The following ACAP2 variants were observed in gnomAD, a reference collection of about 807,000 sequenced individuals.
ACAP2 encodes the protein arf-GAP with coiled-coil, ANK repeat and PH domain-containing protein 2.
Under a neutral mutation model 115.8 loss-of-function variants are expected in ACAP2, and 39 were observed. The observed-to-expected ratio is 0.34, with a 90% CI of 0.26 to 0.44. ACAP2 has a LOEUF of 0.44. Among genes scored for constraint, ACAP2 ranks in the 20% least tolerant of loss-of-function variants. ACAP2 has a pLI of 1.00. For synonymous variants in ACAP2, 289 were observed against 315.8 expected (o/e 0.92, Z 0.90); for missense variants, 662 against 927.6 (o/e 0.71, Z 3.72).
intron 17 of ACAP2, chr3:195,295,244 G>A (rs988128543): frequency 7.7e-7 from 1 of 1,291,216 alleles, no homozygotes; most frequent in Non-Finnish European, 1.0e-6. Context: ...AGTGAATCTA[G>A]CTCATCAGGA....
chr3:195,306,671 C>T (rs2108983431), intron 12 of ACAP2, 55 bp from the exon 13 acceptor site: 1 of 1,220,366 alleles, frequency 8.2e-7, no homozygotes, highest in East Asian at 2.4e-5. Context: ...CCAAAAACAC[C>T]CTATAAGCTT....
chr3:195,441,518 G>A (rs1014444821), intron 1 of ACAP2, among the ~76,000 whole-genome samples: 2 of 152,164 alleles, frequency 1.3e-5, no homozygotes, highest in African/African-American at 4.8e-5. Context: ...TTTTCTCTAA[G>A]TAGCAGTTCC....
chr3:195,389,628 A>C (rs1734522745), intron 2 of ACAP2, among the ~76,000 whole-genome samples: 1 of 152,198 alleles, frequency 6.6e-6, no homozygotes, highest in Non-Finnish European at 1.5e-5. Context: ...GAGAATTTAA[A>C]ATTTTGTTTT....
rs371958084 is a variant in ACAP2, at chr3:195,320,778, G to A, written c.780C>T (p.Asn260=). 52 of 1,613,128 alleles carry A rather than the reference G, an allele frequency of 3.2e-5. No individual in the cohort carries two copies. Among genetic ancestry groups the A allele is most frequent in the South Asian group, 2.1e-4 (19 of 91,046 alleles). Residue 260 remains asparagine (N), a synonymous_variant, in exon 10 of 23, where the codon AAC becomes AAT. Transcript: ENST00000326793. ...FSSDDSKLEY[N]VDAANGIVME... ...TAACTATGCCATTTGCAGCATCTACGTTATATTCTAACTTAGAATCATCAC... is the reference window on the plus strand; with the variant it reads ...TAACTATGCCATTTGCAGCATCTACATTATATTCTAACTTAGAATCATCAC...
chr3:195,322,314 T>G (rs963402747), intron 9 of ACAP2, among the ~76,000 whole-genome samples: 2 of 152,260 alleles, frequency 1.3e-5, no homozygotes, highest in Non-Finnish European at 2.9e-5. Flanking sequence ...TAAGGAGCAG[T>G]AAACGTCCTG....
intron 1 of ACAP2, among the ~76,000 whole-genome samples, chr3:195,399,543 TTC>T (rs1304945425): frequency 6.6e-6 from 1 of 152,162 alleles, no homozygotes; most frequent in African/African-American, 2.4e-5. Context: ...CCCATTATAT[TTC>T]TGTTTTACAG....
intron 4 of ACAP2, among the ~76,000 whole-genome samples, chr3:195,368,781 AT>A (rs1268360362): frequency 1.3e-5 from 2 of 152,208 alleles, no homozygotes; most frequent in Admixed American, 1.3e-4. Flanking sequence ...AACCATAAAA[AT>A]CATTTCTAAA....
At chr3:195,386,839 T>G (rs1385591176) in intron 2 of ACAP2, among the ~76,000 whole-genome samples, 7 of 147,540 alleles carry the variant, frequency 4.7e-5, no homozygotes, top group African/African-American at 1.7e-4. Flanking sequence ...CACAAGCGGA[T>G]AGTGAAAGAC....
intron 1 of ACAP2, among the ~76,000 whole-genome samples, chr3:195,412,457 C>G (rs1713355187): frequency 1.3e-5 from 2 of 150,332 alleles, no homozygotes; most frequent in African/African-American, 4.9e-5. Flanking sequence ...AATAAAAATA[C>G]AAAAATCGGC....
At chr3:195,413,402 T>C (rs1218298868) in intron 1 of ACAP2, among the ~76,000 whole-genome samples, 2 of 152,066 alleles carry the variant, frequency 1.3e-5, no homozygotes, top group African/African-American at 2.4e-5. Flanking sequence ...TTACCCAAAA[T>C]ATACAAAGAA....
At chr3:195,425,026 C>CAA (rs10690317) in intron 1 of ACAP2, among the ~76,000 whole-genome samples, 737 of 26,622 alleles carry the variant, frequency 0.028, 188 homozygotes, top group South Asian at 0.086. Flanking sequence ...GACTCCGTCT[C>CAA]AAAAAAAAAA....
intron 9 of ACAP2, chr3:195,325,573 A>C: frequency 2.6e-6 from 1 of 379,856 alleles, no homozygotes; most frequent in South Asian, 2.0e-5. Context: ...AATTATTCTT[A>C]GAGTTAATAA....
chr3:195,279,661 C>CA (rs1726360012), intron 22 of ACAP2: 2 of 326,150 alleles, frequency 6.1e-6, no homozygotes, highest in East Asian at 1.1e-4. Context: ...GAAGAAAGCT[C>CA]AGAGTTAGAA....
At position 195,279,320 on chromosome 3, in the gene ACAP2, A is replaced by T. The variant is rs530487889; in HGVS notation, c.*8T>A. ...CCAGATTTCATATTTTCCCATTTTT[A>T]AAAAAATTCAGAATTTCTGTGAATC... On this transcript the variant is annotated 3_prime_UTR_variant, in exon 23 of 23. Transcript: ENST00000326793. 10 of 1,577,734 alleles carry T rather than the reference A, an allele frequency of 6.3e-6. No homozygotes were observed. The highest frequency in any genetic ancestry group is 2.7e-5 in the African/African-American group (2 of 73,470).
At chr3:195,301,741 C>A in intron 14 of ACAP2, 97 bp from the exon 15 acceptor site, 1 of 1,240,020 alleles carries the variant, frequency 8.1e-7, no homozygotes, top group South Asian at 1.3e-5. Flanking sequence ...ATAAAGCCCT[C>A]GGCATACACA....
chr3:195,300,601 G>A (rs902615501), intron 15 of ACAP2, among the ~76,000 whole-genome samples: 2 of 152,152 alleles, frequency 1.3e-5, no homozygotes, highest in East Asian at 1.9e-4. Flanking sequence ...GCAAATCATC[G>A]TATGCTGAAA....
Position 195,442,869 on chromosome 3 carries a change from G to T in ACAP2, c.-22C>A. ...TCATCCTGCCTCCGCCTCGCAGGCG[G>T]CGCTGGCAAAGCCGAGGGGGCCGCG... On this transcript the variant is annotated 5_prime_UTR_variant, in exon 1 of 23. Coordinates refer to ENST00000326793, the MANE Select transcript of ACAP2 (RefSeq NM_012287.6). 1 of 1,512,180 alleles carries T rather than the reference G, an allele frequency of 6.6e-7. No homozygotes were observed. The highest frequency in any genetic ancestry group is 8.8e-7 in the Non-Finnish European group (1 of 1,130,426). 93.7% of individuals were successfully genotyped at this position (1,512,180 alleles called of 1,614,324 possible).
At chr3:195,342,082 A>C (rs931773980) in intron 6 of ACAP2, among the ~76,000 whole-genome samples, 1 of 152,190 alleles carries the variant, frequency 6.6e-6, no homozygotes, top group African/African-American at 2.4e-5. Flanking sequence ...AAAAGCCCAC[A>C]CTTCACCACT....
At chr3:195,310,108 A>C (rs1304268232) in intron 10 of ACAP2, among the ~76,000 whole-genome samples, 1 of 105,440 alleles carries the variant, frequency 9.5e-6, no homozygotes, top group African/African-American at 3.9e-5. Flanking sequence ...AATATGAAGC[A>C]TTAGAAATTG....
Sources: allele counts gnomAD v4.1 joint callset (sites outside exome capture counted in the v4.1 genomes callset), GRCh38; gene constraint gnomAD v4.1.1; transcripts MANE v1.5; gene names NCBI Gene and HGNC (gene_info 2026-07-23, HGNC 2026-07-21).